Variants in GRIA4 observed in about 807,000 individuals in gnomAD.
GRIA4 encodes glutamate receptor 4.
Under a neutral mutation model 104.0 loss-of-function variants are expected in GRIA4, and 34 were observed. The ratio of observed to expected loss-of-function variants is 0.33; its 90% CI spans 0.25 to 0.44. The LOEUF is 0.44. Ranked by LOEUF, GRIA4 falls within the 20% of genes least tolerant of loss-of-function variation. GRIA4 has a pLI of 1.00. For missense variants in GRIA4, 750 were observed against 1,096.5 expected (o/e 0.68, Z 4.46); for synonymous variants, 386 against 381.9 (o/e 1.01, Z -0.13).
At chr11:105,860,571 GACTA>G (rs1441175254) in intron 4 of GRIA4, among the ~76,000 whole-genome samples, 1 of 152,124 alleles carries the variant, frequency 6.6e-6, no homozygotes, top group Non-Finnish European at 1.5e-5. Flanking sequence ...AAATATAACT[GACTA>G]ACAGGCTCTG....
intron 3 of GRIA4, among the ~76,000 whole-genome samples, chr11:105,703,562 T>C (rs1481766961): frequency 6.6e-6 from 1 of 152,186 alleles, no homozygotes; most frequent in Non-Finnish European, 1.5e-5. Flanking sequence ...ATGTTAAAGC[T>C]ATATAAGCCA....
At chr11:105,765,796 A>G (rs565941620) in intron 4 of GRIA4, among the ~76,000 whole-genome samples, 2 of 152,314 alleles carry the variant, frequency 1.3e-5, no homozygotes, top group South Asian at 4.1e-4. Flanking sequence ...CAGGCACAGT[A>G]TAGCCTACAG....
chr11:105,907,223 TTGGGAGAGTGATGAACAG>T (rs1947071490), intron 9 of GRIA4, among the ~76,000 whole-genome samples: 1 of 152,138 alleles, frequency 6.6e-6, no homozygotes, highest in Non-Finnish European at 1.5e-5. Flanking sequence ...AAGGAGTAAG[TTGGGAGAGTGATGAACAG>T]TGCATCTTCA....
intron 3 of GRIA4, among the ~76,000 whole-genome samples, chr11:105,735,680 G>A (rs1938891986): frequency 6.6e-6 from 1 of 152,046 alleles, no homozygotes; most frequent in Admixed American, 6.6e-5. Context: ...AAGGCCATGG[G>A]CAAGTGACCT....
At chr11:105,711,582 A>C (rs545573774) in intron 3 of GRIA4, among the ~76,000 whole-genome samples, 4 of 152,312 alleles carry the variant, frequency 2.6e-5, no homozygotes, top group Non-Finnish European at 5.9e-5. Context: ...AAATGAACCC[A>C]AGAGCGACTG....
intron 10 of GRIA4, 37 bp downstream of exon 10, chr11:105,910,582 G>A (rs1164776900): frequency 2.7e-6 from 3 of 1,095,244 alleles, no homozygotes; most frequent in Non-Finnish European, 4.2e-6. Context: ...GTTCCGTTTT[G>A]TCCACAGGCA....
At chr11:105,823,836 C>A (rs1016766021) in intron 4 of GRIA4, among the ~76,000 whole-genome samples, 1 of 151,996 alleles carries the variant, frequency 6.6e-6, no homozygotes, top group Admixed American at 6.6e-5. Flanking sequence ...CCTAACCCCC[C>A]GTACATCAGA....
At chr11:105,658,706 T>G (rs1465551654) in intron 3 of GRIA4, among the ~76,000 whole-genome samples, 2 of 151,930 alleles carry the variant, frequency 1.3e-5, no homozygotes, top group Non-Finnish European at 2.9e-5. Context: ...TATAGGGATA[T>G]AAGACTCGGC....
intron 3 of GRIA4, among the ~76,000 whole-genome samples, chr11:105,682,441 C>G (rs1952740919): frequency 6.6e-6 from 1 of 152,110 alleles, no homozygotes. Context: ...AAGATGATGA[C>G]AGAAACCAGA....
At chr11:105,743,957 T>C (rs1356627760) in intron 3 of GRIA4, among the ~76,000 whole-genome samples, 6 of 152,194 alleles carry the variant, frequency 3.9e-5, no homozygotes, top group Admixed American at 6.5e-5. Context: ...TAATTTGCCC[T>C]TTTATGATCT....
At chr11:105,630,177 T>G (rs1950996272) in intron 3 of GRIA4, among the ~76,000 whole-genome samples, 1 of 152,154 alleles carries the variant, frequency 6.6e-6, no homozygotes, top group Admixed American at 6.5e-5. Context: ...TTATTTGCAC[T>G]CCCCACATTG....
chr11:105,903,715 A>T, intron 7 of GRIA4, 99 bp from the exon 8 acceptor site: 1 of 776,454 alleles, frequency 1.3e-6, no homozygotes, highest in Non-Finnish European at 2.2e-6. Flanking sequence ...CTTCAGACAG[A>T]ATGGTGCTTT....
chr11:105,819,062 T>C (rs369997722), intron 4 of GRIA4, among the ~76,000 whole-genome samples: 4 of 152,136 alleles, frequency 2.6e-5, no homozygotes, highest in African/African-American at 9.7e-5. Context: ...AAGCAGCCAT[T>C]TGGGTTTGGA....
intron 3 of GRIA4, 144 bp from the exon 4 acceptor site, chr11:105,752,837 C>A: frequency 2.8e-6 from 2 of 723,892 alleles, no homozygotes; most frequent in Non-Finnish European, 4.6e-6. Flanking sequence ...TAATTGCACA[C>A]TTCACTTATA....
At chr11:105,644,737 TAAA>T (rs1951476384) in intron 3 of GRIA4, among the ~76,000 whole-genome samples, 1 of 152,176 alleles carries the variant, frequency 6.6e-6, no homozygotes, top group African/African-American at 2.4e-5. Flanking sequence ...AGATAAACCT[TAAA>T]GAAATTTTAC....
At chr11:105,682,041 TA>T in intron 3 of GRIA4, among the ~76,000 whole-genome samples, 1 of 151,370 alleles carries the variant, frequency 6.6e-6, no homozygotes, top group Non-Finnish European at 1.5e-5. Context: ...CTCTGTCTAA[TA>T]TAATAATAAT....
chr11:105,634,501 G>GAAAGA lies in GRIA4; in HGVS notation c.247+22070_247+22074dup, dbSNP rs1555085867. 9.4e-3 allele frequency among the ~76,000 whole-genome samples: 627 copies of GAAAGA among 66,430 alleles called. 7 individuals carry two copies. Among genetic ancestry groups the GAAAGA allele is most frequent in the African/African-American group, 0.027 (607 of 22,844 alleles). 43.6% of individuals were successfully genotyped at this position (66,430 alleles called of 152,430 possible). ...AGAAAGAAAGAAAGAAAGAAAGAAA[G>GAAAGA]AAAGAAAGAAAGAAGAAAGAAAGAA... On this transcript the variant is annotated intron_variant, in intron 3 of 16. Transcript: ENST00000282499.
intron 12 of GRIA4, among the ~76,000 whole-genome samples, chr11:105,926,214 G>A (rs1678822332): frequency 1.0e-5 from 1 of 95,250 alleles, no homozygotes; most frequent in Admixed American, 1.0e-4. Flanking sequence ...GGCTCTGACT[G>A]AAGGTAAAAC....
intron 4 of GRIA4, among the ~76,000 whole-genome samples, chr11:105,820,369 C>G (rs61900357): frequency 1.3e-5 from 2 of 152,120 alleles, no homozygotes; most frequent in Non-Finnish European, 2.9e-5. Context: ...CCTTTGCACA[C>G]TGTTCACTCC....
Sources: allele counts gnomAD v4.1 joint callset (sites outside exome capture counted in the v4.1 genomes callset), GRCh38; gene constraint gnomAD v4.1.1; transcripts MANE v1.5; gene names NCBI Gene and HGNC (gene_info 2026-07-23, HGNC 2026-07-21).